Variants in PHF21A observed in about 807,000 individuals in gnomAD.
PHF21A encodes PHD finger protein 21A.
In PHF21A, 11 loss-of-function variants were observed where a neutral mutation model predicts 82.5. The observed-to-expected ratio is 0.13, with a 90% CI of 0.08 to 0.22. The LOEUF (loss-of-function observed/expected upper bound fraction) is 0.22, where lower values mean the gene tolerates loss of function less well. Ranked by LOEUF, PHF21A falls within the 10% of genes least tolerant of loss-of-function variation. PHF21A has a pLI of 1.00. For missense variants in PHF21A, 579 were observed against 837.8 expected (o/e 0.69, Z 3.81); for synonymous variants, 297 against 302.8 (o/e 0.98, Z 0.20).
chr11:46,006,873 TAAC>T (rs1358351571), intron 6 of PHF21A, among the ~76,000 whole-genome samples: 2 of 152,190 alleles, frequency 1.3e-5, no homozygotes, highest in Non-Finnish European at 2.9e-5. Context: ...CAACAGGTAC[TAAC>T]AATATGTATT....
At chr11:45,934,550 A>T in intron 18 of PHF21A, 9 of 171,276 alleles carry the variant, frequency 5.3e-5, no homozygotes, top group Non-Finnish European at 5.6e-5. Context: ...AGGTTGTTTA[A>T]AAAAAAAAAA....
intron 7 of PHF21A, among the ~76,000 whole-genome samples, chr11:45,973,103 A>G (rs1444741048): frequency 6.6e-6 from 1 of 152,166 alleles, no homozygotes; most frequent in African/African-American, 2.4e-5. Flanking sequence ...AAATAAAAAT[A>G]AAAACTAAAT....
chr11:45,947,475 G>T (rs953095966), intron 14 of PHF21A, among the ~76,000 whole-genome samples: 2 of 152,120 alleles, frequency 1.3e-5, no homozygotes, highest in African/African-American at 4.8e-5. Context: ...TATTAAATTG[G>T]TGATGCCTAT....
chr11:45,945,748 G>C (rs1028393956), intron 15 of PHF21A, 92 bp downstream of exon 15: 11 of 1,065,056 alleles, frequency 1.0e-5, no homozygotes, highest in Admixed American at 2.8e-5. Flanking sequence ...GGTTAGTCAA[G>C]AAGGTGCAAG....
intron 6 of PHF21A, chr11:46,049,454 C>A (rs184934119): frequency 4.8e-5 from 22 of 456,112 alleles, no homozygotes; most frequent in African/African-American, 3.6e-4. Flanking sequence ...TGTACAGTGG[C>A]ATCTGCAAGC....
At chr11:46,080,297 C>T (rs539239146) in intron 4 of PHF21A, among the ~76,000 whole-genome samples, 2 of 151,038 alleles carry the variant, frequency 1.3e-5, no homozygotes, top group Non-Finnish European at 3.0e-5. Flanking sequence ...TGGCTAGGAC[C>T]CCAGGTGCAC....
chr11:45,957,870 C>T (rs758254725), intron 10 of PHF21A, among the ~76,000 whole-genome samples: 6 of 151,260 alleles, frequency 4.0e-5, no homozygotes, highest in Non-Finnish European at 7.4e-5. Flanking sequence ...ATAACAAAAT[C>T]GACAAACCTC....
At chr11:46,072,943 T>C (rs1438464906) in intron 6 of PHF21A, among the ~76,000 whole-genome samples, 2 of 152,192 alleles carry the variant, frequency 1.3e-5, no homozygotes, top group Non-Finnish European at 2.9e-5. Context: ...TTTGGCTCCA[T>C]ATCAGAATAT....
At chr11:46,014,957 G>A (rs2137538198) in intron 6 of PHF21A, among the ~76,000 whole-genome samples, 1 of 44,486 alleles carries the variant, frequency 2.2e-5, no homozygotes, top group Non-Finnish European at 3.5e-5. Flanking sequence ...TCCAGCCTGG[G>A]CGACAGAGCG....
rs2089061962 is a variant in PHF21A, at chr11:45,936,414, TGA to T, written c.1684+78_1684+79del. On this transcript the variant is annotated intron_variant, in intron 17 of 18. Transcript: ENST00000676320. ...TCATTTTTAAATTTAAATTCCCTTT[TGA>T]GAATAAAACAAATACTGCCAGTATT... 14 of 827,662 alleles carry T rather than the reference TGA, an allele frequency of 1.7e-5. No individual in the cohort carries two copies. In the South Asian group the frequency reaches 2.1e-4, roughly 12 times the overall value. The allele number at this position is 827,662 out of a possible 1,614,324, so 51.3% of individuals were successfully genotyped here. A position where few individuals can be genotyped will look rare whatever the true frequency, so the allele number is the denominator to read the frequency against.
chr11:46,006,220 T>TA (rs2095291273), intron 6 of PHF21A, among the ~76,000 whole-genome samples: 1 of 152,236 alleles, frequency 6.6e-6, no homozygotes, highest in Non-Finnish European at 1.5e-5. Context: ...CTTCATGCTT[T>TA]AAAAAATGTG....
chr11:46,019,676 C>T (rs957695594), intron 6 of PHF21A, among the ~76,000 whole-genome samples: 1 of 152,170 alleles, frequency 6.6e-6, no homozygotes, highest in African/African-American at 2.4e-5. Flanking sequence ...GACGGCATTC[C>T]AATCTTAGCA....
rs141957836 is a variant in PHF21A at position 46,038,906 on chromosome 11, G to T, written c.153+37848C>A. 8.5e-5 allele frequency among the ~76,000 whole-genome samples: 13 copies of T among 152,168 alleles called. No homozygotes were observed. In the East Asian group the frequency reaches 2.3e-3, roughly 27 times the overall value. ...CCACATTGGGGATTAAGTTTCCAAC[G>T]CATGAAACTTGGGGGACACATTCAA... On this transcript the variant is annotated intron_variant, in intron 6 of 18. Transcript: ENST00000676320.
chr11:45,938,310 A>G lies in PHF21A; in HGVS notation c.1455T>C (p.Gly485=), dbSNP rs2089581203. ...CGCTGCAAAAATCCTCATGAATATC[A>G]CCCTATAAAGTTGAGAGGAAAGGTA... ...VSLPSPTSTD[G]DIHEDFCSVC... The change falls in exon 16 of 19, where the codon GGT becomes GGC. Residue 485 remains glycine (G), a splice_region_variant and synonymous_variant. Transcript: ENST00000676320. 1 of 1,608,446 alleles carries G rather than the reference A, an allele frequency of 6.2e-7. No individual in the cohort carries two copies. The highest frequency in any genetic ancestry group is 1.3e-5 in the African/African-American group (1 of 74,864).
At chr11:46,058,896 G>A (rs1319413314) in intron 6 of PHF21A, among the ~76,000 whole-genome samples, 2 of 152,198 alleles carry the variant, frequency 1.3e-5, no homozygotes, top group Non-Finnish European at 2.9e-5. Flanking sequence ...GAGTACAGAA[G>A]AAGCTGAGAA....
In PHF21A at chr11:46,076,672, T is replaced by C. The variant is rs572220269; in HGVS notation, c.153+82A>G. 2.6e-5 allele frequency: 28 copies of C among 1,071,374 alleles called. No individual in the cohort carries two copies. In the East Asian group the frequency reaches 3.2e-4, roughly 12 times the overall value. 66.4% of individuals were successfully genotyped at this position (1,071,374 alleles called of 1,614,324 possible). A position where few individuals can be genotyped will look rare whatever the true frequency, so the allele number is the denominator to read the frequency against. On this transcript the variant is annotated intron_variant, in intron 6 of 18. Coordinates refer to ENST00000676320, the MANE Select transcript of PHF21A (RefSeq NM_001352027.3). Reference sequence around the variant, plus strand: ...ACTTATTTTCACACATGAGGAAAAATAGCAGTTCTCTTAGAAGCCTCGAGC... The same window carrying C: ...ACTTATTTTCACACATGAGGAAAAACAGCAGTTCTCTTAGAAGCCTCGAGC...
intron 6 of PHF21A, among the ~76,000 whole-genome samples, chr11:46,038,504 A>G (rs560792981): frequency 1.4e-4 from 21 of 152,316 alleles, no homozygotes; most frequent in Admixed American, 1.4e-3. Context: ...AAGGAGGTAA[A>G]GGAGTCAGTT....
rs1591352472 is a variant in PHF21A at position 45,965,423 on chromosome 11, G to A, written c.888C>T (p.Ala296=). Reference sequence around the variant, plus strand: ...TGAGCTGGGCCATGGGGAACGTTTTGGCTATGGTTGCAGTCTGCCCATTGA... The same window carrying A: ...TGAGCTGGGCCATGGGGAACGTTTTAGCTATGGTTGCAGTCTGCCCATTGA... ...RVVNGQTATI[A]KTFPMAQLTS... Residue 296 remains alanine (A), a synonymous_variant, in exon 10 of 19, where the codon GCC becomes GCT. Coordinates refer to ENST00000676320, the MANE Select transcript of PHF21A (RefSeq NM_001352027.3). The A allele has an allele frequency of 6.2e-7, 1 of 1,614,110 alleles. No individual in the cohort carries two copies. Among genetic ancestry groups the A allele is most frequent in the East Asian group, 2.2e-5 (1 of 44,870 alleles).
intron 6 of PHF21A, among the ~76,000 whole-genome samples, chr11:46,053,266 A>C (rs72904383): frequency 6.6e-6 from 1 of 152,184 alleles, no homozygotes; most frequent in Non-Finnish European, 1.5e-5. Context: ...ACAAAATATC[A>C]ATATGAAAGA....
Sources: gnomAD v4.1 joint callset for allele counts (sites outside exome capture counted in the v4.1 genomes callset) on GRCh38, gnomAD v4.1.1 for gene constraint, MANE v1.5 for transcripts, NCBI Gene and HGNC (gene_info 2026-07-23, HGNC 2026-07-21) for gene names.